The following ADGRL2 variants were observed in gnomAD, a reference collection of about 807,000 sequenced individuals.
The protein encoded by ADGRL2 is calcium-independent alpha-latrotoxin receptor 2.
In ADGRL2, 44 loss-of-function variants were observed where a neutral mutation model predicts 157.4. The ratio of observed to expected loss-of-function variants is 0.28; its 90% CI spans 0.22 to 0.36. ADGRL2 has a LOEUF of 0.36. Ranked by LOEUF, ADGRL2 falls within the 10% of genes least tolerant of loss-of-function variation. The probability of loss-of-function intolerance (pLI) is 1.00; values close to 1 mark genes in which losing one functional copy is unlikely to be tolerated. For missense variants in ADGRL2, 1,510 were observed against 1,768.9 expected, an observed-to-expected ratio of 0.85 and a Z score of 2.63; for synonymous variants, 585 against 624.7, an observed-to-expected ratio of 0.94 and a Z score of 0.95.
intron 2 of ADGRL2, among the ~76,000 whole-genome samples, chr1:81,842,670 C>T (rs992530658): frequency 6.6e-5 from 10 of 151,848 alleles, no homozygotes; most frequent in Admixed American, 6.6e-5. Flanking sequence ...TTGCTCTTTT[C>T]AAGAGTATAC....
chr1:81,648,934 G>T (rs1308598223), intron 3 of ADGRL2, among the ~76,000 whole-genome samples: 2 of 152,132 alleles, frequency 1.3e-5, no homozygotes, highest in African/African-American at 4.8e-5. Flanking sequence ...TGGACACTTG[G>T]AACCGGAGAA....
chr1:81,325,865 C>A (rs1281818740), intron 1 of ADGRL2, among the ~76,000 whole-genome samples: 1 of 152,138 alleles, frequency 6.6e-6, no homozygotes, highest in Non-Finnish European at 1.5e-5. Context: ...GGCTCTACCC[C>A]CAATAACTCC....
At chr1:81,742,829 T>A (rs1487309929) in intron 1 of ADGRL2, among the ~76,000 whole-genome samples, 1 of 152,052 alleles carries the variant, frequency 6.6e-6, no homozygotes, top group East Asian at 1.9e-4. Flanking sequence ...TTACCACAAA[T>A]TTTTCTCTGT....
intron 1 of ADGRL2, among the ~76,000 whole-genome samples, chr1:81,815,625 A>T (rs697990): frequency 0.11 from 16,558 of 151,742 alleles, 1,033 homozygotes; most frequent in Admixed American, 0.18. Flanking sequence ...ATTTTATAGA[A>T]TTATGGTGAC....
chr1:81,323,400 A>G (rs1261967377), intron 1 of ADGRL2, among the ~76,000 whole-genome samples: 1 of 143,602 alleles, frequency 7.0e-6, no homozygotes, highest in Admixed American at 7.5e-5. Context: ...CCATTGTACT[A>G]GACTAATTCA....
At chr1:81,682,591 C>T (rs1390884129) in intron 3 of ADGRL2, among the ~76,000 whole-genome samples, 2 of 152,150 alleles carry the variant, frequency 1.3e-5, no homozygotes, top group African/African-American at 4.8e-5. Flanking sequence ...ATGAAAATTC[C>T]ATTACCTCCA....
chr1:81,434,173 G>C (rs968126082), intron 1 of ADGRL2, among the ~76,000 whole-genome samples: 1 of 152,224 alleles, frequency 6.6e-6, no homozygotes, highest in Non-Finnish European at 1.5e-5. Flanking sequence ...ATCTCAATTA[G>C]AGGAGTAGTA....
At chr1:81,482,028 A>G (rs913947608) in intron 2 of ADGRL2, among the ~76,000 whole-genome samples, 16 of 152,126 alleles carry the variant, frequency 1.1e-4, no homozygotes, top group Admixed American at 9.8e-4. Flanking sequence ...AACAGATCTC[A>G]CTAAACTCTC....
At chr1:81,427,529 G>A in intron 1 of ADGRL2, 1 of 749,528 alleles carries the variant, frequency 1.3e-6, no homozygotes, top group South Asian at 1.3e-5. Flanking sequence ...TAAGGGGGCA[G>A]TTTTGGTGGA....
chr1:81,468,127 G>C (rs1289271470), intron 2 of ADGRL2, among the ~76,000 whole-genome samples: 28 of 152,010 alleles, frequency 1.8e-4, no homozygotes, highest in Non-Finnish European at 1.5e-5. Context: ...TGTTTTTCTA[G>C]GGAAAAGAAA....
At position 81,485,180 on chromosome 1, in the gene ADGRL2, A is replaced by C. The variant is rs542972622; in HGVS notation, c.-248+40091A>C. Among the ~76,000 whole-genome samples the C allele has an allele frequency of 9.2e-3, 1,382 of 150,248 alleles. 20 individuals are homozygous for C. The highest frequency in any genetic ancestry group is 0.031 in the African/African-American group (1,273 of 40,872). On this transcript the variant is annotated intron_variant, in intron 2 of 24. Coordinates refer to the ADGRL2 transcript ENST00000370721. ...AAAAATATGTGTTTGAAAAGCACAA[A>C]AAAAAAAAAAAAGTTTACCTGTCTG...
At chr1:81,848,053 T>C (rs1332273398) in intron 2 of ADGRL2, among the ~76,000 whole-genome samples, 3 of 151,820 alleles carry the variant, frequency 2.0e-5, no homozygotes, top group Non-Finnish European at 4.4e-5. Context: ...TTCCACTTTT[T>C]AGTATTGTAT....
intron 3 of ADGRL2, among the ~76,000 whole-genome samples, chr1:81,924,090 C>CA (rs926400400): frequency 2.0e-5 from 3 of 152,128 alleles, no homozygotes; most frequent in Admixed American, 2.0e-4. Context: ...CCTGTTTGGC[C>CA]AGCATCATTT....
intron 1 of ADGRL2, among the ~76,000 whole-genome samples, chr1:81,812,454 T>G (rs2089973167): frequency 6.6e-6 from 1 of 151,698 alleles, no homozygotes; most frequent in African/African-American, 2.4e-5. Context: ...ATTCACAGAT[T>G]ACAAATGTGC....
chr1:81,623,462 T>C (rs925194019), intron 3 of ADGRL2, among the ~76,000 whole-genome samples: 1 of 152,104 alleles, frequency 6.6e-6, no homozygotes, highest in East Asian at 1.9e-4. Context: ...AATATAAGAA[T>C]AGGTTATTGT....
At chr1:81,892,509 T>C (rs1013284186) in intron 2 of ADGRL2, among the ~76,000 whole-genome samples, 1 of 152,092 alleles carries the variant, frequency 6.6e-6, no homozygotes, top group Admixed American at 6.6e-5. Flanking sequence ...AAGAATTGTG[T>C]TTTACTATCT....
intron 1 of ADGRL2, among the ~76,000 whole-genome samples, chr1:81,344,070 A>C (rs2100783729): frequency 6.6e-6 from 1 of 152,126 alleles, no homozygotes; most frequent in South Asian, 2.1e-4. Flanking sequence ...TTACAAAGAA[A>C]AAAAAATTTT....
chr1:81,359,211 C>T (rs1206393389), intron 1 of ADGRL2, among the ~76,000 whole-genome samples: 1 of 151,956 alleles, frequency 6.6e-6, no homozygotes, highest in Non-Finnish European at 1.5e-5. Context: ...AATGAGCAGG[C>T]CTTAAAAATG....
intron 2 of ADGRL2, among the ~76,000 whole-genome samples, chr1:81,775,501 AC>A (rs1214431264): frequency 2.0e-5 from 3 of 152,106 alleles, no homozygotes; most frequent in Non-Finnish European, 4.4e-5. Flanking sequence ...ATTATACCAA[AC>A]ATTATATAAT....
Sources: gnomAD v4.1 joint callset for allele counts (sites outside exome capture counted in the v4.1 genomes callset) on GRCh38, gnomAD v4.1.1 for gene constraint, MANE v1.5 for transcripts, NCBI Gene and HGNC (gene_info 2026-07-23, HGNC 2026-07-21) for gene names.